The following CLYBL variants were observed in gnomAD, a reference collection of about 807,000 sequenced individuals.
The protein encoded by CLYBL is citramalyl-CoA lyase.
Under a neutral mutation model 38.9 loss-of-function variants are expected in CLYBL, and 31 were observed. The observed-to-expected ratio is 0.80, with a 90% CI of 0.60 to 1.08. The LOEUF (loss-of-function observed/expected upper bound fraction) is 1.08, where lower values mean the gene tolerates loss of function less well. CLYBL is among the 50% of genes least tolerant of loss of function. The pLI is 0.00. For missense variants in CLYBL, 434 were observed against 411.6 expected, an observed-to-expected ratio of 1.05 and a Z score of -0.47; for synonymous variants, 171 against 158.6, an observed-to-expected ratio of 1.08 and a Z score of -0.59.
chr13:99,828,447 G>A (rs1394557610), intron 2 of CLYBL, among the ~76,000 whole-genome samples: 1 of 152,150 alleles, frequency 6.6e-6, no homozygotes, highest in Non-Finnish European at 1.5e-5. Context: ...TCATCAAATT[G>A]CATGCATGGG....
chr13:99,894,738 G>GGGGGC (rs2052551874), downstream of CLYBL: 2 of 58,228 alleles, frequency 3.4e-5, no homozygotes, highest in South Asian at 6.6e-4. Flanking sequence ...GCCTGAGGCG[G>GGGGGC]GGGGGGGGGG....
In CLYBL at chr13:99,649,686, G is replaced by A. The variant is rs533808407; in HGVS notation, c.62+42929G>A. ...ATGAGACCAACCTGGGCAACAGAGC[G>A]AAACCCCATCTCTACAAATGATACA... On this transcript the variant is annotated intron_variant, in intron 1 of 8. Transcript: ENST00000339105. Among the ~76,000 whole-genome samples the A allele has an allele frequency of 5.3e-5, 8 of 151,590 alleles. No individual in the cohort carries two copies. The South Asian group carries it at 6.3e-4, about 12-fold the overall frequency.
downstream of CLYBL, among the ~76,000 whole-genome samples, chr13:99,898,851 G>A (rs1213914838): frequency 1.3e-5 from 2 of 152,204 alleles, no homozygotes; most frequent in African/African-American, 2.4e-5. Context: ...TGGTTGTTTA[G>A]ATGTGTGTGT....
intron 1 of CLYBL, among the ~76,000 whole-genome samples, chr13:99,618,294 T>C (rs1262272594): frequency 1.3e-5 from 2 of 151,538 alleles, no homozygotes; most frequent in Admixed American, 1.3e-4. Flanking sequence ...TTTTTTGAGG[T>C]GGAGTCTAGC....
intron 1 of CLYBL, among the ~76,000 whole-genome samples, chr13:99,614,775 G>C (rs114888304): frequency 9.9e-5 from 15 of 152,198 alleles, no homozygotes; most frequent in South Asian, 4.1e-4. Flanking sequence ...AGGAGTCAGG[G>C]GGGGAGGCCG....
At chr13:99,746,637 C>T (rs192496703) in intron 1 of CLYBL, among the ~76,000 whole-genome samples, 3 of 152,312 alleles carry the variant, frequency 2.0e-5, no homozygotes, top group African/African-American at 7.2e-5. Flanking sequence ...TCCTTACACA[C>T]AGAGTTCCAG....
intron 2 of CLYBL, among the ~76,000 whole-genome samples, chr13:99,786,575 A>T (rs574674344): frequency 6.6e-6 from 1 of 152,228 alleles, no homozygotes; most frequent in Admixed American, 6.5e-5. Flanking sequence ...CATGGTGTAT[A>T]TGTGCCACAT....
chr13:99,797,234 G>A (rs1482099699), intron 2 of CLYBL, among the ~76,000 whole-genome samples: 6 of 152,116 alleles, frequency 3.9e-5, no homozygotes, highest in East Asian at 1.9e-4. Flanking sequence ...TGAGTTGAAC[G>A]ATTTTAATGC....
chr13:99,811,742 G>GA (rs1034619959), intron 2 of CLYBL, among the ~76,000 whole-genome samples: 8 of 136,666 alleles, frequency 5.9e-5, no homozygotes, highest in Non-Finnish European at 9.2e-5. Context: ...TTTGTTTTAT[G>GA]AAAAATCCAC....
chr13:99,615,713 C>G (rs1566589089), intron 1 of CLYBL, among the ~76,000 whole-genome samples: 1 of 152,208 alleles, frequency 6.6e-6, no homozygotes, highest in East Asian at 1.9e-4. Flanking sequence ...AATTAAATAA[C>G]TCACTTGAAT....
chr13:99,648,128 C>T (rs1479413201), intron 1 of CLYBL, among the ~76,000 whole-genome samples: 1 of 151,620 alleles, frequency 6.6e-6, no homozygotes, highest in African/African-American at 2.4e-5. Context: ...AGGTCACAGA[C>T]AAATAAAGAA....
At chr13:99,634,399 C>G (rs1421986766) in intron 1 of CLYBL, among the ~76,000 whole-genome samples, 2 of 151,994 alleles carry the variant, frequency 1.3e-5, no homozygotes, top group Non-Finnish European at 2.9e-5. Flanking sequence ...TAACTTGGAT[C>G]TATAAAAAGA....
chr13:99,640,133 T>C (rs1239066195), intron 1 of CLYBL, among the ~76,000 whole-genome samples: 1 of 152,252 alleles, frequency 6.6e-6, no homozygotes, highest in South Asian at 2.1e-4. Flanking sequence ...TTTTTTGTTT[T>C]TTAATCATGA....
chr13:99,773,597 C>T (rs1594173517), intron 2 of CLYBL, among the ~76,000 whole-genome samples: 1 of 152,150 alleles, frequency 6.6e-6, no homozygotes. Flanking sequence ...ATTGCGCCGC[C>T]CCACCTCCCA....
intron 2 of CLYBL, among the ~76,000 whole-genome samples, chr13:99,852,330 C>T (rs1417769654): frequency 6.6e-6 from 1 of 152,142 alleles, no homozygotes; most frequent in African/African-American, 2.4e-5. Context: ...CCTCAAACTC[C>T]TGGGCTCAAG....
intron 1 of CLYBL, among the ~76,000 whole-genome samples, chr13:99,649,297 C>T (rs927669596): frequency 6.6e-6 from 1 of 152,118 alleles, no homozygotes; most frequent in South Asian, 2.1e-4. Context: ...CATGCCAGCT[C>T]GCTTCTAGCA....
chr13:99,819,460 ATAT>A (rs2050540073), intron 2 of CLYBL, among the ~76,000 whole-genome samples: 1 of 39,550 alleles, frequency 2.5e-5, no homozygotes, highest in African/African-American at 9.7e-5. Context: ...ATATATATAT[ATAT>A]ATATAATATT....
intron 1 of CLYBL, chr13:99,689,952 G>T (rs781452715): frequency 6.6e-6 from 1 of 152,196 alleles, no homozygotes; most frequent in Non-Finnish European, 1.5e-5. Flanking sequence ...TTTAGACTGT[G>T]TTATTAATTA....
At chr13:99,760,998 C>G (rs1442151536) in intron 1 of CLYBL, among the ~76,000 whole-genome samples, 1 of 152,174 alleles carries the variant, frequency 6.6e-6, no homozygotes, top group African/African-American at 2.4e-5. Flanking sequence ...TACCCATAAT[C>G]AACTTCTCTT....
Sources: allele counts gnomAD v4.1 joint callset (sites outside exome capture counted in the v4.1 genomes callset), GRCh38; gene constraint gnomAD v4.1.1; transcripts MANE v1.5; gene names NCBI Gene and HGNC (gene_info 2026-07-23, HGNC 2026-07-21).